ADAP1: variants seen among roughly 807,000 people sequenced by gnomAD.
ADAP1 encodes the protein ArfGAP with dual PH domains 1, also known as arf-GAP with dual PH domain-containing protein 1.
ADAP1 carries 31 observed loss-of-function variants against 54.9 expected under a neutral mutation model. The observed-to-expected ratio is 0.56, with a 90% confidence interval of 0.42 to 0.76. The LOEUF is 0.76. Among genes scored for constraint, ADAP1 ranks in the 30% least tolerant of loss-of-function variants. The probability of loss-of-function intolerance (pLI) is 0.00; values close to 1 mark genes in which losing one functional copy is unlikely to be tolerated. For synonymous variants in ADAP1, 313 were observed against 202.6 expected, an observed-to-expected ratio of 1.55 and a Z score of -4.63; for missense variants, 535 against 512.4, an observed-to-expected ratio of 1.04 and a Z score of -0.42.
chr7:923,323 C>G (rs956366874), intron 3 of ADAP1: 1 of 152,008 alleles, frequency 6.6e-6, no homozygotes, highest in African/African-American at 2.4e-5. Context: ...GAGGAGCCCT[C>G]CAGCCGGTGC....
At chr7:947,894 C>T (rs1184933853) in intron 1 of ADAP1, among the ~76,000 whole-genome samples, 1 of 151,724 alleles carries the variant, frequency 6.6e-6, no homozygotes, top group Non-Finnish European at 1.5e-5. Flanking sequence ...CCACCTCTGA[C>T]CCCGTCTCCC....
At chr7:903,149 G>A (rs567459612) in intron 6 of ADAP1, among the ~76,000 whole-genome samples, 1 of 151,966 alleles carries the variant, frequency 6.6e-6, no homozygotes, top group South Asian at 2.2e-4. Context: ...GAGAGTCTGC[G>A]GCAACACATG....
intron 6 of ADAP1, chr7:900,953 G>T (rs913483261): frequency 7.3e-6 from 4 of 547,866 alleles, no homozygotes; most frequent in Non-Finnish European, 1.4e-5. Context: ...CCCTGGTGCT[G>T]CTGGGGCCTG....
chr7:919,914 G>GAAAGAGATGGGGGAGGGAGGA lies in ADAP1; in HGVS notation c.388+53_388+54insTCCTCCCTCCCCCATCTCTTT. ...GAGGGAAAGAGATGGGGGAGGGAGG[G>GAAAGAGATGGGGGAGGGAGGA]AGAGAGCCAGGGAGAGGTAGCCGGG... On this transcript the variant is annotated intron_variant, in intron 4 of 10. Transcript: ENST00000265846. 5.7e-6 allele frequency: 8 copies of GAAAGAGATGGGGGAGGGAGGA among 1,405,834 alleles called. No homozygotes were observed. In the South Asian group the frequency reaches 8.4e-5, roughly 15 times the overall value. The allele number at this position is 1,405,834 out of a possible 1,614,324, so 87.1% of individuals were successfully genotyped here.
At chr7:902,846 G>A (rs1316359578) in intron 6 of ADAP1, among the ~76,000 whole-genome samples, 2 of 152,204 alleles carry the variant, frequency 1.3e-5, no homozygotes, top group African/African-American at 4.8e-5. Flanking sequence ...TAGGATGGAG[G>A]AATCCGTGGT....
At chr7:900,705 G>T in intron 6 of ADAP1, 89 bp from the exon 7 acceptor site, 1 of 1,151,516 alleles carries the variant, frequency 8.7e-7, no homozygotes, top group Non-Finnish European at 1.3e-6. Context: ...CAGAGGGGCC[G>T]CTTCCCCCAG....
chr7:951,612 G>A (rs1449577462), intron 1 of ADAP1, among the ~76,000 whole-genome samples: 1 of 151,928 alleles, frequency 6.6e-6, no homozygotes, highest in Non-Finnish European at 1.5e-5. Flanking sequence ...GCATGGACCT[G>A]TAGTCCCAGC....
chr7:905,300 G>GGC (rs1845074718), intron 4 of ADAP1, 128 bp from the exon 5 acceptor site: 2 of 296,250 alleles, frequency 6.8e-6, no homozygotes, highest in Admixed American at 4.7e-5. Context: ...GACACGGACA[G>GGC]GGGGAGACGG....
intron 3 of ADAP1, among the ~76,000 whole-genome samples, chr7:922,020 G>A (rs1348892898): frequency 1.3e-5 from 2 of 152,194 alleles, no homozygotes; most frequent in African/African-American, 4.8e-5. Context: ...GAGGAAGCCT[G>A]GGAGTGAGCA....
chr7:903,386 G>A (rs550262586), intron 6 of ADAP1, among the ~76,000 whole-genome samples: 32 of 152,218 alleles, frequency 2.1e-4, no homozygotes, highest in Non-Finnish European at 3.7e-4. Flanking sequence ...AATCTGCAGC[G>A]ACACCGGCAG....
chr7:919,977 AG>A lies in ADAP1; in HGVS notation c.378del (p.Tyr127ThrfsTer21), dbSNP rs1198476876. 6.2e-7 allele frequency: 1 copy of A among 1,604,140 alleles called. No individual in the cohort carries two copies. Reference sequence around the variant, plus strand: ...ACCCGGGTGGCCTCACCTGCCGAGTAGGGCTCCTGCTTCTCCGGGTAGATGA... The same window carrying A: ...ACCCGGGTGGCCTCACCTGCCGAGTAGGCTCCTGCTTCTCCGGGTAGATGA... ...QEFIYPEKQE[P>X]YSAGYREGFL... is the part of the protein sequence containing the mutation. On this transcript the variant is annotated frameshift_variant, in exon 4 of 11. Coordinates refer to ENST00000265846, the MANE Select transcript of ADAP1 (RefSeq NM_006869.4). LOFTEE classifies it high-confidence loss of function.
intron 3 of ADAP1, among the ~76,000 whole-genome samples, chr7:925,503 G>C (rs1217263079): frequency 6.6e-6 from 1 of 151,804 alleles, no homozygotes; most frequent in African/African-American, 2.4e-5. Context: ...GCCTTCCAGG[G>C]GCCTTCGGAT....
At chr7:900,060 C>T (rs745722706) in intron 8 of ADAP1, 42 bp downstream of exon 8, 65 of 1,607,704 alleles carry the variant, frequency 4.0e-5, no homozygotes, top group Non-Finnish European at 4.8e-5. Context: ...CCCACCATGG[C>T]GTACCCCAGG....
intron 6 of ADAP1, among the ~76,000 whole-genome samples, chr7:901,887 T>C (rs1054872822): frequency 6.6e-5 from 10 of 150,750 alleles, no homozygotes; most frequent in African/African-American, 2.4e-4. Flanking sequence ...CAGCTCCAGG[T>C]CCCCCGGAAA....
chr7:916,302 C>A (rs572825260), intron 4 of ADAP1, among the ~76,000 whole-genome samples: 63 of 152,210 alleles, frequency 4.1e-4, no homozygotes, highest in Non-Finnish European at 7.6e-4. Context: ...GTCCCAACGA[C>A]ACCAGCTAAA....
chr7:900,242 G>T, intron 7 of ADAP1, 78 bp from the exon 8 acceptor site: 1 of 1,560,162 alleles, frequency 6.4e-7, no homozygotes, highest in Non-Finnish European at 8.8e-7. Flanking sequence ...GCCCCTCTGT[G>T]CTCCCCTCAC....
chr7:952,421 C>T (rs1211858092), intron 1 of ADAP1, among the ~76,000 whole-genome samples: 2 of 152,228 alleles, frequency 1.3e-5, no homozygotes, highest in African/African-American at 4.8e-5. Flanking sequence ...CCGGCCACCC[C>T]AGCCCCCATC....
Position 920,781 on chromosome 7 carries a change from C to G in ADAP1, c.306-731G>C. 6.5e-7 allele frequency: 1 copy of G among 1,549,466 alleles called. No homozygotes were observed. The highest frequency in any genetic ancestry group is 8.7e-7 in the Non-Finnish European group (1 of 1,146,468). On this transcript the variant is annotated intron_variant, in intron 3 of 10. Coordinates refer to ENST00000265846, the MANE Select transcript of ADAP1 (RefSeq NM_006869.4). This position sits in a 1 kb window ranked among gnomAD's most constrained non-coding sequence, Gnocchi z 4.5. ...CACGGCCTCCCCATCCACCGTGACT[C>G]ACTCGAGTGAAGCCAATACCATTGC...
At chr7:941,996 AT>A (rs1239446482) in intron 1 of ADAP1, among the ~76,000 whole-genome samples, 1 of 152,268 alleles carries the variant, frequency 6.6e-6, no homozygotes, top group Non-Finnish European at 1.5e-5. Flanking sequence ...AAACCCACAC[AT>A]ATGTGGACAA....
Sources: gnomAD v4.1 joint callset for allele counts (sites outside exome capture counted in the v4.1 genomes callset) on GRCh38, gnomAD v4.1.1 for gene constraint, Gnocchi (gnomAD v3.1) non-coding constraint, MANE v1.5 for transcripts, NCBI Gene and HGNC (gene_info 2026-07-23, HGNC 2026-07-21) for gene names.